The following NYX variants were observed in gnomAD, a reference collection of about 807,000 sequenced individuals.
The protein encoded by NYX is nyctalopin, also known as leucine-rich repeat protein.
For synonymous variants in NYX, 258 were observed against 245.7 expected (o/e 1.05, Z -0.47); for missense variants, 481 against 485.4 (o/e 0.99, Z 0.09).
At position 41,473,939 on chromosome X, in the gene NYX, C is replaced by G; in HGVS notation, c.471C>G (p.Arg157=). 1.8e-6 allele frequency: 2 copies of G among 1,105,232 alleles called. No individual in the cohort carries two copies. Among genetic ancestry groups the G allele is most frequent in the Non-Finnish European group, 2.4e-6 (2 of 849,655 alleles). The allele number at this position is 1,105,232 out of a possible 1,213,427, so 91.1% of individuals were successfully genotyped here. Residue 157 remains arginine, a synonymous_variant, in exon 3 of 3, where the codon CGC becomes CGG. Coordinates refer to ENST00000378220, the MANE Select transcript of NYX (RefSeq NM_001378477.3). ...TCCTGGCCGAACTGCCGGCCCTGCG[C>G]GAACTCGCCGCCTTCGACAACCTGT... ...ERLLAELPAL[R]ELAAFDNLFR...
intron 2 of NYX, among the ~76,000 whole-genome samples, chrX:41,448,261 G>C (rs1315787990): frequency 9.0e-6 from 1 of 111,321 alleles, no homozygotes; most frequent in African/African-American, 3.3e-5. Context: ...TTTGTTTTTG[G>C]AGATGGAGTC....
In NYX at chrX:41,455,272, A is replaced by G. The variant is rs1297227142; in HGVS notation, c.22+7346A>G. 1.8e-5 allele frequency among the ~76,000 whole-genome samples: 2 copies of G among 109,419 alleles called. 1 individual carries two copies. The highest frequency in any genetic ancestry group is 3.8e-5 in the Non-Finnish European group (2 of 52,598). On this transcript the variant is annotated intron_variant, in intron 2 of 2. Transcript: ENST00000378220. ...AGGCGCCCACCACCATGCCCGGCTA[A>G]TTTTTTGTGTTTTTAGTGGAGACAG...
At chrX:41,468,196 T>G (rs770353101) in intron 2 of NYX, among the ~76,000 whole-genome samples, 1 of 112,005 alleles carries the variant, frequency 8.9e-6, no homozygotes, top group African/African-American at 3.2e-5. Flanking sequence ...TCATATATGT[T>G]TTTTAAACAT....
At chrX:41,454,964 G>T (rs1158484422) in intron 2 of NYX, among the ~76,000 whole-genome samples, 1 of 111,238 alleles carries the variant, frequency 9.0e-6, no homozygotes, top group African/African-American at 3.3e-5. Flanking sequence ...TGACAAGAAT[G>T]GTTCATAAGA....
At chrX:41,465,113 G>A (rs2064333581) in intron 2 of NYX, among the ~76,000 whole-genome samples, 1 of 110,453 alleles carries the variant, frequency 9.1e-6, no homozygotes, top group Non-Finnish European at 1.9e-5. Flanking sequence ...ATCTTTTCCT[G>A]TAAATTCCTT....
chrX:41,457,740 C>T (rs977132708), intron 2 of NYX, among the ~76,000 whole-genome samples: 5 of 111,283 alleles, frequency 4.5e-5, no homozygotes, highest in African/African-American at 1.3e-4. Context: ...TGTTCAACTG[C>T]GGTGCAAACA....
At chrX:41,459,631 A>C (rs2064311093) in intron 2 of NYX, among the ~76,000 whole-genome samples, 1 of 110,522 alleles carries the variant, frequency 9.0e-6, no homozygotes, top group Non-Finnish European at 1.9e-5. Flanking sequence ...GGAAAAAAAA[A>C]GAAAAGAAAA....
intron 2 of NYX, among the ~76,000 whole-genome samples, chrX:41,461,221 C>T (rs2064318305): frequency 9.3e-6 from 1 of 108,093 alleles, no homozygotes; most frequent in Admixed American, 1.0e-4. Context: ...ATTCTCATGC[C>T]TTTGCATCCT....
At chrX:41,457,079 G>A (rs774202137) in intron 2 of NYX, among the ~76,000 whole-genome samples, 12 of 110,768 alleles carry the variant, frequency 1.1e-4, no homozygotes, top group Non-Finnish European at 2.1e-4. Flanking sequence ...AGGCTGAGGC[G>A]GGTGGATCAC....
chrX:41,454,406 G>A (rs933949516), intron 2 of NYX, among the ~76,000 whole-genome samples: 2 of 109,681 alleles, frequency 1.8e-5, no homozygotes, highest in Non-Finnish European at 3.8e-5. Context: ...TCCGCCTCCC[G>A]GGTTCAAGCA....
At chrX:41,455,597 C>T (rs1160688512) in intron 2 of NYX, among the ~76,000 whole-genome samples, 1 of 109,782 alleles carries the variant, frequency 9.1e-6, no homozygotes, top group Non-Finnish European at 1.9e-5. Flanking sequence ...TGTCATGAGC[C>T]CAGGGCAGTC....
At chrX:41,459,134 C>T (rs1352555811) in intron 2 of NYX, among the ~76,000 whole-genome samples, 1 of 111,545 alleles carries the variant, frequency 9.0e-6, no homozygotes, top group African/African-American at 3.3e-5. Context: ...GCAAAAGAAA[C>T]CCATACAATT....
intron 2 of NYX, among the ~76,000 whole-genome samples, chrX:41,453,494 C>T (rs185823740): frequency 3.8e-5 from 4 of 106,581 alleles, no homozygotes; most frequent in South Asian, 4.2e-4. Flanking sequence ...CTTGCTCTGT[C>T]GCCCAGGCTG....
chrX:41,461,135 C>T (rs1183800750), intron 2 of NYX, among the ~76,000 whole-genome samples: 1 of 107,169 alleles, frequency 9.3e-6, no homozygotes, highest in East Asian at 2.9e-4. Flanking sequence ...GCAACAAACA[C>T]TGAACCCAAA....
intron 2 of NYX, among the ~76,000 whole-genome samples, chrX:41,448,467 C>A (rs370886104): frequency 9.1e-6 from 1 of 109,687 alleles, no homozygotes; most frequent in African/African-American, 3.3e-5. Context: ...TGGTCTCGAT[C>A]TCCTGACCTC....
At chrX:41,473,454 T>G in intron 2 of NYX, 37 bp from the exon 3 acceptor site, 1 of 959,200 alleles carries the variant, frequency 1.0e-6, no homozygotes, top group South Asian at 3.6e-5. Flanking sequence ...TTCTCTTTTC[T>G]CCTCCTTCCC....
intron 2 of NYX, among the ~76,000 whole-genome samples, chrX:41,448,380 G>A (rs977608155): frequency 9.7e-6 from 1 of 103,308 alleles, no homozygotes; most frequent in African/African-American, 3.5e-5. Context: ...GTAGCTGGGA[G>A]TACAGGTGCC....
Position 41,474,062 on chromosome X carries a change from G to A in NYX, c.594G>A (p.Gln198=), listed in dbSNP as rs1225058872. The change falls in exon 3 of 3, where the codon CAG becomes CAA. Residue 198 remains glutamine (Q), a synonymous_variant. Coordinates refer to ENST00000378220, the MANE Select transcript of NYX (RefSeq NM_001378477.3). ...RIEAVASSSL[Q]GLRRLRSLSL... ...AGGCGGTGGCCTCCAGCTCGCTGCA[G>A]GGCCTGCGCCGCCTGCGCTCGCTCA... The A allele has an allele frequency of 1.9e-6, 2 of 1,071,703 alleles. No homozygotes were observed. The highest frequency in any genetic ancestry group is 1.2e-6 in the Non-Finnish European group (1 of 835,063). 88.3% of individuals were successfully genotyped at this position (1,071,703 alleles called of 1,213,427 possible).
At chrX:41,457,579 CAT>C (rs386824950) in intron 2 of NYX, among the ~76,000 whole-genome samples, 5 of 110,399 alleles carry the variant, frequency 4.5e-5, no homozygotes, top group African/African-American at 1.3e-4. Flanking sequence ...CCTGCTCCCC[CAT>C]AACTTTGACC....
Sources: gnomAD v4.1 joint callset for allele counts (sites outside exome capture counted in the v4.1 genomes callset) on GRCh38, gnomAD v4.1.1 for gene constraint, MANE v1.5 for transcripts, NCBI Gene and HGNC (gene_info 2026-07-23, HGNC 2026-07-21) for gene names.